Variants in PLAAT1 observed in about 807,000 individuals in gnomAD.
PLAAT1 encodes H-REV107 protein-related protein.
Under a neutral mutation model 16.4 loss-of-function variants are expected in PLAAT1, and 13 were observed. The observed-to-expected ratio is 0.79, with a 90% CI of 0.52 to 1.26. The LOEUF is 1.26. Among genes scored for constraint, PLAAT1 ranks in the 50% most tolerant of loss-of-function variants. PLAAT1 has a pLI of 0.00. For missense variants in PLAAT1, 218 were observed against 207.8 expected, an observed-to-expected ratio of 1.05 and a Z score of -0.30; for synonymous variants, 73 against 78.4, an observed-to-expected ratio of 0.93 and a Z score of 0.36.
At chr3:193,275,220 C>T, downstream of PLAAT1, 1 of 1,614,170 alleles carries the variant, frequency 6.2e-7, no homozygotes, top group Non-Finnish European at 8.5e-7. Context: ...CTTCTTTTGC[C>T]AAGTCCTATA....
chr3:193,265,648 T>A (rs575724421), intron 3 of PLAAT1, among the ~76,000 whole-genome samples: 32 of 151,044 alleles, frequency 2.1e-4, no homozygotes, highest in Non-Finnish European at 3.7e-4. Flanking sequence ...GATCTCAAAA[T>A]TTTTTTTTAA....
intron 3 of PLAAT1, among the ~76,000 whole-genome samples, chr3:193,269,470 T>C (rs1198826140): frequency 6.6e-6 from 1 of 152,174 alleles, no homozygotes; most frequent in Non-Finnish European, 1.5e-5. Flanking sequence ...GCCCTGGCCC[T>C]TGTGCCTGTT....
At chr3:193,256,262 A>G (rs970724960) in intron 2 of PLAAT1, among the ~76,000 whole-genome samples, 2 of 152,186 alleles carry the variant, frequency 1.3e-5, no homozygotes, top group African/African-American at 4.8e-5. Context: ...TAAAATTGTG[A>G]TAAGTGATAC....
intron 2 of PLAAT1, among the ~76,000 whole-genome samples, chr3:193,256,310 C>A (rs1263180787): frequency 6.6e-6 from 1 of 152,006 alleles, no homozygotes; most frequent in East Asian, 1.9e-4. Context: ...GTGCTGAGGG[C>A]AGAAGGTGGT....
intron 1 of PLAAT1, among the ~76,000 whole-genome samples, chr3:193,248,270 T>A (rs1244844591): frequency 1.3e-5 from 2 of 152,144 alleles, no homozygotes; most frequent in Non-Finnish European, 2.9e-5. Flanking sequence ...TTTTCATCCC[T>A]TCATTATCAG....
Position 193,252,043 on chromosome 3 carries a change from G to A in PLAAT1, c.1-3608G>A, listed in dbSNP as rs914867762. ...TATTTGAGACTGCGTAATGTATAAG[G>A]AAAAGAGATTTAATTGGCTCACAGC... On this transcript the variant is annotated intron_variant, in intron 1 of 3. Coordinates refer to ENST00000264735, the MANE Select transcript of PLAAT1 (RefSeq NM_020386.5). Among the ~76,000 whole-genome samples the A allele has an allele frequency of 6.6e-5, 10 of 152,284 alleles. No individual in the cohort carries two copies. In the South Asian group the frequency reaches 2.1e-3, roughly 32 times the overall value.
At chr3:193,257,082 A>G (rs1414437766) in intron 2 of PLAAT1, among the ~76,000 whole-genome samples, 2 of 152,078 alleles carry the variant, frequency 1.3e-5, no homozygotes, top group African/African-American at 2.4e-5. Flanking sequence ...TCCCCGGACT[A>G]TGTCTCTTTA....
intron 1 of PLAAT1, among the ~76,000 whole-genome samples, chr3:193,255,188 T>C (rs1716327596): frequency 1.3e-5 from 2 of 152,208 alleles, no homozygotes; most frequent in Admixed American, 1.3e-4. Context: ...TAAACCCTTT[T>C]TTATATCCTT....
At position 193,241,514 on chromosome 3, in the gene PLAAT1, G is replaced by A. The variant is rs1012028799; in HGVS notation, c.-20G>A. ...CAGCTGCCTCCCGGTGCGAGAAGAA[G>A]ACCCCGGCTTGAGAGTGAGGTGTGC... On this transcript the variant is annotated 5_prime_UTR_variant, in exon 1 of 4. Transcript: ENST00000264735. 1 of 1,231,926 alleles carries A rather than the reference G, an allele frequency of 8.1e-7. No individual in the cohort carries two copies. Among genetic ancestry groups the A allele is most frequent in the Non-Finnish European group, 1.0e-6 (1 of 988,138 alleles). 76.3% of individuals were successfully genotyped at this position (1,231,926 alleles called of 1,614,324 possible).
chr3:193,275,553 G>C (rs1717156197), downstream of PLAAT1, among the ~76,000 whole-genome samples: 1 of 152,236 alleles, frequency 6.6e-6, no homozygotes, highest in African/African-American at 2.4e-5. Flanking sequence ...GTCCTGGCTA[G>C]GGATTTTCTT....
chr3:193,241,309 G>C lies in PLAAT1; in HGVS notation c.-225G>C. The C allele has an allele frequency of 1.6e-6, 2 of 1,231,102 alleles. No homozygotes were observed. The highest frequency in any genetic ancestry group is 6.3e-5 in the East Asian group (2 of 31,646). 76.3% of individuals were successfully genotyped at this position (1,231,102 alleles called of 1,614,324 possible). ...CGTGCGGGCGTCTCAGAGCCGCGGAGGGGCCGCCGGGACCGTTTCAGCGTG... is the reference window on the plus strand; with the variant it reads ...CGTGCGGGCGTCTCAGAGCCGCGGACGGGCCGCCGGGACCGTTTCAGCGTG... On this transcript the variant is annotated 5_prime_UTR_variant, in exon 1 of 4. Transcript: ENST00000264735.
In PLAAT1 at chr3:193,255,781, C is replaced by T; in HGVS notation, c.131C>T (p.Ala44Val). The change falls in exon 2 of 4, where the codon GCA (alanine) becomes GTA (valine). Residue 44 changes from alanine (A) to valine (V), a missense_variant. Physicochemically the swap from Ala to Val is moderately conservative, Grantham distance 64. Coordinates refer to ENST00000264735, the MANE Select transcript of PLAAT1 (RefSeq NM_020386.5). Reference protein sequence around the residue: ...YLGDGYVINIAPVDGIPASFT... With the variant: ...YLGDGYVINIVPVDGIPASFT... ...GGTGATGGTTACGTTATCAACATAG[C>T]ACCTGTAGGTGAGGTTTATTTCCAG... 2 of 1,596,958 alleles carry T rather than the reference C, an allele frequency of 1.3e-6. No homozygotes were observed. Among genetic ancestry groups the T allele is most frequent in the Non-Finnish European group, 1.7e-6 (2 of 1,170,492 alleles).
rs754465329 is a variant in PLAAT1 at position 193,262,937 on chromosome 3, C to T, written c.140-33C>T. 6 of 1,608,950 alleles carry T rather than the reference C, an allele frequency of 3.7e-6. No homozygotes were observed. In the East Asian group the frequency reaches 1.1e-4, roughly 30 times the overall value. On this transcript the variant is annotated intron_variant, in intron 2 of 3. Coordinates refer to ENST00000264735, the MANE Select transcript of PLAAT1 (RefSeq NM_020386.5). ...CAGTAGAGTTCATTGGACTGGGTCA[C>T]TATACCTTACTAACCAGAATTCTAC...
upstream of PLAAT1, among the ~76,000 whole-genome samples, chr3:193,240,654 C>CGTGTGTGTGTGTGTGTGTGTGTGT (rs370008875): frequency 6.5e-4 from 58 of 88,570 alleles, no homozygotes; most frequent in East Asian, 1.1e-3. Context: ...GGCTATCTGG[C>CGTGTGTGTGTGTGTGTGTGTGTGT]GTGTGTGTGT....
At chr3:193,279,475 A>G (rs753689551), downstream of PLAAT1, 2 of 1,581,168 alleles carry the variant, frequency 1.3e-6, no homozygotes, top group East Asian at 4.5e-5. Flanking sequence ...ACCAAACATT[A>G]TTTTTAGATG....
chr3:193,249,104 A>G (rs2108781816), intron 1 of PLAAT1, among the ~76,000 whole-genome samples: 1 of 152,090 alleles, frequency 6.6e-6, no homozygotes, highest in East Asian at 1.9e-4. Context: ...CTTGGTTGGC[A>G]GGGTTTTTTT....
At chr3:193,279,501 A>T (rs748645339), downstream of PLAAT1, 11 of 1,525,540 alleles carry the variant, frequency 7.2e-6, no homozygotes, top group Middle Eastern at 1.7e-4. Flanking sequence ...AGAATGTTTC[A>T]TATAATTTGG....
chr3:193,275,378 ACCT>A, downstream of PLAAT1: 1 of 1,529,684 alleles, frequency 6.5e-7, no homozygotes, highest in Non-Finnish European at 8.8e-7. Context: ...CACCACAGCC[ACCT>A]CCTTTCCCCA....
At chr3:193,252,287 C>T (rs1386101449) in intron 1 of PLAAT1, among the ~76,000 whole-genome samples, 2 of 152,150 alleles carry the variant, frequency 1.3e-5, no homozygotes, top group Non-Finnish European at 2.9e-5. Flanking sequence ...GGGATCCACT[C>T]CCATGATCCA....
Sources: allele counts gnomAD v4.1 joint callset (sites outside exome capture counted in the v4.1 genomes callset), GRCh38; gene constraint gnomAD v4.1.1; transcripts MANE v1.5; gene names NCBI Gene and HGNC (gene_info 2026-07-23, HGNC 2026-07-21).